The following NRK variants were observed in gnomAD, a reference collection of about 807,000 sequenced individuals.
The protein encoded by NRK is nik-related protein kinase.
In NRK, 67 loss-of-function variants were observed where a neutral mutation model predicts 125.2. The observed-to-expected ratio is 0.54, with a 90% CI of 0.44 to 0.66. The LOEUF is 0.66. NRK is among the 30% of genes least tolerant of loss of function. NRK has a pLI of 0.00. For missense variants in NRK, 1,224 were observed against 1,192.9 expected (o/e 1.03, Z -0.38); for synonymous variants, 458 against 429.0 (o/e 1.07, Z -0.84).
intron 26 of NRK, chrX:105,948,595 T>C (rs184023201): frequency 2.2e-5 from 10 of 463,508 alleles, no homozygotes; most frequent in Non-Finnish European, 3.8e-5. Context: ...TCCTGCAATT[T>C]CTTTTACTCT....
At chrX:105,888,530 C>T in intron 5 of NRK, 111 bp downstream of exon 5, 1 of 626,820 alleles carries the variant, frequency 1.6e-6, no homozygotes, top group Non-Finnish European at 2.4e-6. Context: ...TAGCACACAA[C>T]TGTTAAGGTA....
At position 105,936,179 on chromosome X, in the gene NRK, T is replaced by C. The variant is rs191560767; in HGVS notation, c.3655+854T>C. Among the ~76,000 whole-genome samples, 12 of 111,704 alleles carry C rather than the reference T, an allele frequency of 1.1e-4. 1 individual carries two copies. The Admixed American group carries it at 1.1e-3, about 11-fold the overall frequency. On this transcript the variant is annotated intron_variant, in intron 21 of 28. Transcript: ENST00000243300. ...CTCTGTCTTGCAATTTCATAGATTT[T>C]GCTTAATGTATGATTGAACAAAGGA...
chrX:105,822,773 C>A lies in NRK; in HGVS notation c.-73C>A. On this transcript the variant is annotated 5_prime_UTR_variant, in exon 1 of 29. Coordinates refer to ENST00000243300, the MANE Select transcript of NRK (RefSeq NM_198465.4). ...TCCTTCCTCTCTCCTCCCTTCAACTCTTCATCCGCTTCCACCTCAGACTCT... is the reference window on the plus strand; with the variant it reads ...TCCTTCCTCTCTCCTCCCTTCAACTATTCATCCGCTTCCACCTCAGACTCT... 1 of 983,658 alleles carries A rather than the reference C, an allele frequency of 1.0e-6. No homozygotes were observed. Among genetic ancestry groups the A allele is most frequent in the South Asian group, 2.0e-5 (1 of 48,918 alleles). The allele number at this position is 983,658 out of a possible 1,213,427, so 81.1% of individuals were successfully genotyped here. A position where few individuals can be genotyped will look rare whatever the true frequency, so the allele number is the denominator to read the frequency against.
rs764656070 is a variant in NRK, at chrX:105,955,727, T to C, written c.*127T>C. 4.1e-5 allele frequency: 18 copies of C among 436,144 alleles called. No individual in the cohort carries two copies. The highest frequency in any genetic ancestry group is 6.5e-5 in the Non-Finnish European group (16 of 245,155). 35.9% of individuals were successfully genotyped at this position (436,144 alleles called of 1,213,427 possible). On this transcript the variant is annotated 3_prime_UTR_variant, in exon 29 of 29. Coordinates refer to ENST00000243300, the MANE Select transcript of NRK (RefSeq NM_198465.4). ...AAGATTAAATCCAAAACTTTACTTTTAATGTAGCACAGAATAGTTTTAATG... is the reference window on the plus strand; with the variant it reads ...AAGATTAAATCCAAAACTTTACTTTCAATGTAGCACAGAATAGTTTTAATG...
At chrX:105,835,507 C>T (rs1008829936) in intron 2 of NRK, among the ~76,000 whole-genome samples, 2 of 110,860 alleles carry the variant, frequency 1.8e-5, no homozygotes, top group African/African-American at 6.6e-5. Context: ...TTGTAAGATC[C>T]TGGGCCTCTG....
intron 19 of NRK, among the ~76,000 whole-genome samples, chrX:105,930,105 A>G (rs765386491): frequency 3.1e-4 from 35 of 111,604 alleles, no homozygotes; most frequent in Admixed American, 2.7e-3. Flanking sequence ...TCCTGAAACT[A>G]GATGTTCATA....
intron 2 of NRK, among the ~76,000 whole-genome samples, chrX:105,853,140 T>G (rs1211906869): frequency 9.0e-6 from 1 of 111,691 alleles, no homozygotes; most frequent in Admixed American, 9.5e-5. Flanking sequence ...GTTAATTCCC[T>G]TAGCATAGTG....
At chrX:105,941,605 G>A (rs2040743727) in intron 23 of NRK, among the ~76,000 whole-genome samples, 1 of 107,152 alleles carries the variant, frequency 9.3e-6, no homozygotes, top group Admixed American at 1.0e-4. Flanking sequence ...GCGTAGGGAT[G>A]GCAGAAGAAA....
intron 2 of NRK, among the ~76,000 whole-genome samples, chrX:105,841,098 A>G (rs1421562053): frequency 1.8e-5 from 2 of 111,141 alleles, no homozygotes; most frequent in Non-Finnish European, 3.8e-5. Flanking sequence ...AGGACTTCCA[A>G]CATTCTACCA....
chrX:105,925,010 G>A lies in NRK; in HGVS notation c.3291G>A (p.Gln1097=), dbSNP rs765250370. The A allele has an allele frequency of 9.1e-6, 11 of 1,203,929 alleles. No homozygotes were observed. Among genetic ancestry groups the A allele is most frequent in the African/African-American group, 5.3e-5 (3 of 57,128 alleles). ...DGPGLKRPAS[Q]DFEYLQEEPG... Reference sequence around the variant, plus strand: ...CAGGATTGAAGAGACCTGCGTCTCAGGACTTTGAATATCTACAGGAGGTAA... The same window carrying A: ...CAGGATTGAAGAGACCTGCGTCTCAAGACTTTGAATATCTACAGGAGGTAA... Residue 1097 remains glutamine, a synonymous_variant, in exon 19 of 29, where the codon CAG becomes CAA. Transcript: ENST00000243300.
At chrX:105,826,635 G>T (rs2039116535) in intron 1 of NRK, among the ~76,000 whole-genome samples, 1 of 106,731 alleles carries the variant, frequency 9.4e-6, no homozygotes, top group Non-Finnish European at 1.9e-5. Context: ...GAGGTTATCT[G>T]AAATAGCACA....
chrX:105,843,348 C>T (rs1281457662), intron 2 of NRK, among the ~76,000 whole-genome samples: 1 of 111,947 alleles, frequency 8.9e-6, no homozygotes, highest in African/African-American at 3.3e-5. Flanking sequence ...GACACAATTT[C>T]TTCTGGAACT....
chrX:105,920,227 G>A (rs2147763211), intron 16 of NRK, among the ~76,000 whole-genome samples: 1 of 104,649 alleles, frequency 9.6e-6, no homozygotes, highest in African/African-American at 3.6e-5. Context: ...TATTTCTGAG[G>A]GCTCTGTTCT....
chrX:105,867,183 A>G (rs770618372), intron 2 of NRK, among the ~76,000 whole-genome samples: 2 of 111,928 alleles, frequency 1.8e-5, no homozygotes, highest in African/African-American at 6.5e-5. Flanking sequence ...TCCTGATAAT[A>G]CTGCTAAATA....
intron 2 of NRK, among the ~76,000 whole-genome samples, chrX:105,836,194 G>T (rs1385147031): frequency 9.0e-6 from 1 of 111,555 alleles, no homozygotes; most frequent in African/African-American, 3.3e-5. Context: ...GCTTATTCTT[G>T]TTGTTAGGGT....
intron 19 of NRK, among the ~76,000 whole-genome samples, chrX:105,930,901 C>T (rs1180920711): frequency 9.0e-6 from 1 of 111,513 alleles, no homozygotes; most frequent in East Asian, 2.8e-4. Context: ...CACACCTTTG[C>T]CAGGGGTGGG....
At chrX:105,863,947 T>A (rs915584177) in intron 2 of NRK, among the ~76,000 whole-genome samples, 3 of 112,705 alleles carry the variant, frequency 2.7e-5, no homozygotes, top group Non-Finnish European at 3.8e-5. Flanking sequence ...ATGACTTGTT[T>A]AAGTCACTTT....
At chrX:105,950,761 G>C (rs2040885606) in intron 27 of NRK, among the ~76,000 whole-genome samples, 1 of 109,288 alleles carries the variant, frequency 9.2e-6, no homozygotes, top group Non-Finnish European at 1.9e-5. Context: ...CTTGGACTCA[G>C]CAAAAAGCCT....
At chrX:105,830,270 C>T (rs761935999) in intron 1 of NRK, among the ~76,000 whole-genome samples, 8 of 81,790 alleles carry the variant, frequency 9.8e-5, no homozygotes, top group South Asian at 8.0e-4. Flanking sequence ...GCCAAGATCA[C>T]GCCATTGCAC....
Sources: gnomAD v4.1 joint callset for allele counts (sites outside exome capture counted in the v4.1 genomes callset) on GRCh38, gnomAD v4.1.1 for gene constraint, MANE v1.5 for transcripts, NCBI Gene and HGNC (gene_info 2026-07-23, HGNC 2026-07-21) for gene names.